Variants in TTLL9 observed in about 807,000 individuals in gnomAD.
TTLL9 encodes the protein probable tubulin polyglutamylase TTLL9.
Under a neutral mutation model 65.6 loss-of-function variants are expected in TTLL9, and 47 were observed. The ratio of observed to expected loss-of-function variants is 0.72; its 90% CI spans 0.57 to 0.91. The LOEUF is 0.91. Among genes scored for constraint, TTLL9 ranks in the 40% least tolerant of loss-of-function variants. TTLL9 has a pLI of 0.00. For missense variants in TTLL9, 537 were observed against 568.8 expected, an observed-to-expected ratio of 0.94 and a Z score of 0.57; for synonymous variants, 179 against 204.8, an observed-to-expected ratio of 0.87 and a Z score of 1.07.
rs1250011750 is a variant in TTLL9, at chr20:31,925,047, T to A, written c.703T>A (p.Ser235Thr). 6.2e-7 allele frequency: 1 copy of A among 1,613,874 alleles called. No homozygotes were observed. The highest frequency in any genetic ancestry group is 8.5e-7 in the Non-Finnish European group (1 of 1,179,974). Residue 235 changes from serine (S) to threonine (T), a missense_variant and splice_region_variant, in exon 9 of 15, where the codon TCG (serine) becomes ACG (threonine). Coordinates refer to ENST00000535842, the MANE Select transcript of TTLL9 (RefSeq NM_001008409.5). ...FDLRVYVLVMSVFAECLLWSG... is the reference protein window; with the variant it reads ...FDLRVYVLVMTVFAECLLWSG... ...CCTGCGTGTCTATGTGCTGGTGATG[T>A]CGGTGAGTAACAAAGGTGGGGGCCC...
intron 2 of TTLL9, among the ~76,000 whole-genome samples, chr20:31,873,523 G>A (rs2062968663): frequency 6.6e-6 from 1 of 151,918 alleles, no homozygotes; most frequent in East Asian, 1.9e-4. Context: ...GCCGGGTGTG[G>A]TGGCACGAAC....
chr20:31,889,751 G>A (rs977927612), intron 3 of TTLL9, among the ~76,000 whole-genome samples: 15 of 123,186 alleles, frequency 1.2e-4, no homozygotes, highest in South Asian at 7.5e-4. Context: ...TTTTTTTTTT[G>A]TAGTTATGAG....
intron 10 of TTLL9, among the ~76,000 whole-genome samples, chr20:31,928,436 A>C (rs567411194): frequency 5.1e-4 from 77 of 152,026 alleles, no homozygotes; most frequent in African/African-American, 1.8e-3. Flanking sequence ...CAGATATTAC[A>C]TACTAACTTT....
intron 3 of TTLL9, among the ~76,000 whole-genome samples, chr20:31,892,690 G>T (rs563696088): frequency 6.6e-6 from 1 of 152,310 alleles, no homozygotes; most frequent in South Asian, 2.1e-4. Flanking sequence ...GGGAAGATTT[G>T]TGTACCCTTG....
At chr20:31,880,633 C>T (rs2063104344) in intron 2 of TTLL9, among the ~76,000 whole-genome samples, 1 of 151,930 alleles carries the variant, frequency 6.6e-6, no homozygotes, top group Non-Finnish European at 1.5e-5. Context: ...GCTGGGACTA[C>T]AGGCGCTCGC....
At chr20:31,917,491 G>A (rs2063752917) in intron 6 of TTLL9, among the ~76,000 whole-genome samples, 1 of 152,190 alleles carries the variant, frequency 6.6e-6, no homozygotes, top group African/African-American at 2.4e-5. Flanking sequence ...GGTGTCTGGG[G>A]CCATGTCCAT....
In TTLL9 at chr20:31,922,930, T is replaced by G. The variant is rs760756678; in HGVS notation, c.574-33T>G. 1.9e-6 allele frequency: 3 copies of G among 1,556,588 alleles called. No homozygotes were observed. The South Asian group carries it at 3.4e-5, about 17-fold the overall frequency. Reference sequence around the variant, plus strand: ...TAGTACACAGGAAATGTTCCATAAATAAATGTTCAATTATTATTATTATTA... The same window carrying G: ...TAGTACACAGGAAATGTTCCATAAAGAAATGTTCAATTATTATTATTATTA... On this transcript the variant is annotated intron_variant, in intron 7 of 14. Transcript: ENST00000535842.
At chr20:31,890,150 C>CTTTCTTTCTTTCTTTCTTTCTTTCT (rs1300422017) in intron 3 of TTLL9, among the ~76,000 whole-genome samples, 8 of 16,728 alleles carry the variant, frequency 4.8e-4, no homozygotes, top group East Asian at 1.6e-3. Context: ...TCCTTCCTTC[C>CTTTCTTTCTTTCTTTCTTTCTTTCT]TTCCTTCTTT....
Position 31,871,984 on chromosome 20 carries a change from T to C in TTLL9, c.69+789T>C, listed in dbSNP as rs150086338. ...GATATTTTATATCCTTTTTAAATTG[T>C]ATTAACTATTCAAAATCTGGTGTCT... On this transcript the variant is annotated intron_variant, in intron 2 of 14. Coordinates refer to ENST00000535842, the MANE Select transcript of TTLL9 (RefSeq NM_001008409.5). Among the ~76,000 whole-genome samples, 55 of 152,330 alleles carry C rather than the reference T, an allele frequency of 3.6e-4. 1 individual carries two copies. The highest frequency in any genetic ancestry group is 1.3e-3 in the African/African-American group (54 of 41,572).
intron 3 of TTLL9, 73 bp from the exon 4 acceptor site, chr20:31,898,400 C>T (rs539898837): frequency 6.0e-4 from 827 of 1,368,320 alleles, no homozygotes; most frequent in Non-Finnish European, 8.3e-4. Context: ...TCTCTTCCTC[C>T]TTTTTTCCTC....
At chr20:31,912,256 G>A (rs1280695809) in intron 6 of TTLL9, among the ~76,000 whole-genome samples, 1 of 152,098 alleles carries the variant, frequency 6.6e-6, no homozygotes, top group Admixed American at 6.5e-5. Flanking sequence ...TTTCTCAAAC[G>A]CTACAGTGCC....
intron 9 of TTLL9, among the ~76,000 whole-genome samples, chr20:31,925,332 G>A (rs2063882666): frequency 6.6e-6 from 1 of 152,114 alleles, no homozygotes; most frequent in African/African-American, 2.4e-5. Context: ...TAAGTACCAG[G>A]CCCTGGCACT....
At chr20:31,896,881 C>G (rs942621219) in intron 3 of TTLL9, among the ~76,000 whole-genome samples, 5 of 152,094 alleles carry the variant, frequency 3.3e-5, no homozygotes, top group Non-Finnish European at 7.4e-5. Flanking sequence ...GAATAAACTC[C>G]GCTTGGTTAT....
intron 13 of TTLL9, among the ~76,000 whole-genome samples, chr20:31,937,728 C>T (rs2123640754): frequency 6.6e-6 from 1 of 152,302 alleles, no homozygotes; most frequent in Admixed American, 6.5e-5. Flanking sequence ...CCAACTACAG[C>T]TTTCTGAGAC....
chr20:31,890,135 TTCCTTCC>T (rs2063278401), intron 3 of TTLL9, among the ~76,000 whole-genome samples: 1 of 102,066 alleles, frequency 9.8e-6, no homozygotes, highest in African/African-American at 4.0e-5. Flanking sequence ...CCTTCCTTCC[TTCCTTCC>T]TTCCTTCCTT....
intron 2 of TTLL9, among the ~76,000 whole-genome samples, chr20:31,875,346 A>G (rs1312639518): frequency 6.6e-6 from 1 of 152,190 alleles, no homozygotes; most frequent in African/African-American, 2.4e-5. Context: ...TGGCATTACT[A>G]TTATCATGGA....
intron 4 of TTLL9, chr20:31,901,385 A>G (rs2063477776): frequency 6.6e-6 from 1 of 152,176 alleles, no homozygotes; most frequent in Non-Finnish European, 1.5e-5. Flanking sequence ...GTAATTTATG[A>G]TGGTCGGAGA....
intron 6 of TTLL9, among the ~76,000 whole-genome samples, chr20:31,911,215 A>G (rs2063640503): frequency 6.6e-6 from 1 of 152,110 alleles, no homozygotes; most frequent in South Asian, 2.1e-4. Context: ...AAGAAAGGTG[A>G]GGACAACAGC....
intron 7 of TTLL9, among the ~76,000 whole-genome samples, chr20:31,922,187 C>A (rs2063824890): frequency 6.6e-6 from 1 of 151,914 alleles, no homozygotes; most frequent in Non-Finnish European, 1.5e-5. Context: ...GTTGCTTGAA[C>A]CCGAGAGGTG....
Sources: gnomAD v4.1 joint callset for allele counts (sites outside exome capture counted in the v4.1 genomes callset) on GRCh38, gnomAD v4.1.1 for gene constraint, MANE v1.5 for transcripts, NCBI Gene and HGNC (gene_info 2026-07-23, HGNC 2026-07-21) for gene names.